SLC25A28: variants seen among roughly 807,000 people sequenced by gnomAD.
The protein encoded by SLC25A28 is mitoferrin-2.
SLC25A28 carries 10 observed loss-of-function variants against 31.9 expected under a neutral mutation model. The observed-to-expected ratio is 0.31, with a 90% CI of 0.19 to 0.53. SLC25A28 has a LOEUF of 0.53. SLC25A28 is among the 20% of genes least tolerant of loss of function. The pLI, the probability that SLC25A28 is intolerant of heterozygous loss-of-function variation, is 0.95. For synonymous variants in SLC25A28, 208 were observed against 203.6 expected, an observed-to-expected ratio of 1.02 and a Z score of -0.19; for missense variants, 256 against 490.3, an observed-to-expected ratio of 0.52 and a Z score of 4.51.
chr10:99,623,814 A>C (rs1382000533), upstream of SLC25A28, among the ~76,000 whole-genome samples: 1 of 152,212 alleles, frequency 6.6e-6, no homozygotes, highest in Non-Finnish European at 1.5e-5. Context: ...GACATGAAGC[A>C]GAGTTCCCTA....
chr10:99,614,031 G>C, intron 1 of SLC25A28, 107 bp from the exon 2 acceptor site: 1 of 1,331,714 alleles, frequency 7.5e-7, no homozygotes, highest in Non-Finnish European at 1.0e-6. Context: ...TCTGTGAGAG[G>C]GATATCTGGC....
At chr10:99,652,680 C>A in the SLC25A28 span, among the ~76,000 whole-genome samples, 1 of 152,116 alleles carries the variant, frequency 6.6e-6, no homozygotes, top group East Asian at 1.9e-4. Flanking sequence ...TCCCTTCTCA[C>A]AATGCCTCTG....
At chr10:99,616,280 T>A (rs2034652184) in intron 1 of SLC25A28, 2 of 881,740 alleles carry the variant, frequency 2.3e-6, no homozygotes, top group Non-Finnish European at 2.7e-6. Context: ...AGTTGTGTGA[T>A]CTTGGGTATG....
chr10:99,621,134 C>T (rs555632267), upstream of SLC25A28: 98 of 296,866 alleles, frequency 3.3e-4, no homozygotes, highest in Admixed American at 1.3e-3. Context: ...GGCTGGGAAC[C>T]GCCTCACCTC....
intron 2 of SLC25A28, 61 bp from the exon 3 acceptor site, chr10:99,612,660 T>TC: frequency 6.4e-7 from 1 of 1,572,192 alleles, no homozygotes; most frequent in Non-Finnish European, 8.8e-7. Context: ...CTCATTGAGG[T>TC]CCCCCAGTGA....
At chr10:99,623,077 T>C (rs1001902654), upstream of SLC25A28, among the ~76,000 whole-genome samples, 17 of 152,194 alleles carry the variant, frequency 1.1e-4, no homozygotes, top group Non-Finnish European at 2.1e-4. Context: ...AAGGAAGGCC[T>C]TTCTGAGGAG....
chr10:99,628,156 T>G, the SLC25A28 span, among the ~76,000 whole-genome samples: 1 of 152,350 alleles, frequency 6.6e-6, no homozygotes, highest in South Asian at 2.1e-4. Context: ...TTGTGGCCTA[T>G]CTCTCTTGGG....
the SLC25A28 span, chr10:99,654,019 T>C: frequency 6.6e-6 from 1 of 152,206 alleles, no homozygotes; most frequent in Non-Finnish European, 1.5e-5. Context: ...TAAGGATATG[T>C]AGGAGTTCAT....
chr10:99,659,240 A>T, the SLC25A28 span, among the ~76,000 whole-genome samples: 1 of 152,020 alleles, frequency 6.6e-6, no homozygotes, highest in Admixed American at 6.5e-5. The surrounding 1 kb of genome is among the most constrained non-coding windows in gnomAD (Gnocchi z 4.1). Context: ...GCCCAGCGCC[A>T]CTCACCTGTG....
At chr10:99,631,661 T>G in the SLC25A28 span, among the ~76,000 whole-genome samples, 1 of 152,036 alleles carries the variant, frequency 6.6e-6, no homozygotes, top group African/African-American at 2.4e-5. Flanking sequence ...TCATGACTCC[T>G]CACCAGAAAA....
At chr10:99,626,436 C>A in the SLC25A28 span, among the ~76,000 whole-genome samples, 1 of 152,318 alleles carries the variant, frequency 6.6e-6, no homozygotes, top group East Asian at 1.9e-4. Context: ...TGCTACTCCT[C>A]ATCTGGATTA....
chr10:99,647,394 G>A, the SLC25A28 span, among the ~76,000 whole-genome samples: 2 of 152,130 alleles, frequency 1.3e-5, no homozygotes, highest in Non-Finnish European at 2.9e-5. Flanking sequence ...GTTTTCAGTT[G>A]CATTTCTCTG....
At chr10:99,641,166 G>GTTT in the SLC25A28 span, among the ~76,000 whole-genome samples, 1 of 152,172 alleles carries the variant, frequency 6.6e-6, no homozygotes, top group Non-Finnish European at 1.5e-5. Flanking sequence ...GGTTGAACTA[G>GTTT]TTTACAGTCC....
upstream of SLC25A28, among the ~76,000 whole-genome samples, chr10:99,624,152 T>C (rs1365073905): frequency 6.9e-6 from 1 of 145,692 alleles, no homozygotes; most frequent in Non-Finnish European, 1.5e-5. Flanking sequence ...TCTTTTTCTT[T>C]CTTTCTTCCT....
the SLC25A28 span, among the ~76,000 whole-genome samples, chr10:99,643,523 G>A: frequency 6.6e-6 from 1 of 152,068 alleles, no homozygotes; most frequent in Non-Finnish European, 1.5e-5. Context: ...ACCAGCTCCT[G>A]GATTCATTAA....
At chr10:99,623,717 C>A (rs79524390), upstream of SLC25A28, among the ~76,000 whole-genome samples, 1 of 152,164 alleles carries the variant, frequency 6.6e-6, no homozygotes, top group African/African-American at 2.4e-5. Flanking sequence ...GAGGGAAGCA[C>A]AAGAGTCACA....
rs1219691999 is a variant in SLC25A28 at position 99,610,684 on chromosome 10, A to G, written c.*165T>C. On this transcript the variant is annotated 3_prime_UTR_variant, in exon 4 of 4. Transcript: ENST00000370495. ...GGGCCTGGAAGGAAAGGTGGTGGCA[A>G]CAGAGGTTGGCAGGAACTGGTGTTA... is the stretch of plus-strand genomic sequence containing the variant. 3.1e-5 allele frequency: 24 copies of G among 773,004 alleles called. No homozygotes were observed. Among genetic ancestry groups the G allele is most frequent in the Non-Finnish European group, 8.2e-6 (4 of 488,820 alleles). 47.9% of individuals were successfully genotyped at this position (773,004 alleles called of 1,614,324 possible).
At chr10:99,646,089 T>G in the SLC25A28 span, among the ~76,000 whole-genome samples, 1 of 152,204 alleles carries the variant, frequency 6.6e-6, no homozygotes, top group African/African-American at 2.4e-5. Context: ...TCTTCAAATC[T>G]GTCAGACAGG....
upstream of SLC25A28, among the ~76,000 whole-genome samples, chr10:99,625,541 C>T (rs545500490): frequency 5.3e-5 from 8 of 152,246 alleles, no homozygotes; most frequent in South Asian, 2.1e-4. Context: ...CACATTCTCC[C>T]GTCTGTCTTG....
Sources: gnomAD v4.1 joint callset for allele counts (sites outside exome capture counted in the v4.1 genomes callset) on GRCh38, gnomAD v4.1.1 for gene constraint, Gnocchi (gnomAD v3.1) non-coding constraint, MANE v1.5 for transcripts, NCBI Gene and HGNC (gene_info 2026-07-23, HGNC 2026-07-21) for gene names.